SRRM2: variants seen among roughly 807,000 people sequenced by gnomAD.
SRRM2 encodes the protein serine/arginine repetitive matrix 2.
SRRM2 carries 30 observed loss-of-function variants against 213.8 expected under a neutral mutation model. That is an observed-to-expected ratio of 0.14 (90% CI 0.10 to 0.19). The LOEUF (loss-of-function observed/expected upper bound fraction) is 0.19, where lower values mean the gene tolerates loss of function less well. SRRM2 is among the 10% of genes least tolerant of loss of function. The pLI is 1.00. For missense variants in SRRM2, 4,904 were observed against 3,647.0 expected (o/e 1.34, Z -8.88); for synonymous variants, 2,025 against 1,377.7 (o/e 1.47, Z -10.40).
At position 2,768,266 on chromosome 16, in the gene SRRM2, G is replaced by A. The variant is rs1455735328; in HGVS notation, c.7733+5G>A. ...ACCTGAGGTGGCACTGAAGAGGTGAGGGAGCTTGACTTTTAGAAATCTTCA... is the reference window on the plus strand; with the variant it reads ...ACCTGAGGTGGCACTGAAGAGGTGAAGGAGCTTGACTTTTAGAAATCTTCA... On this transcript the variant is annotated splice_donor_5th_base_variant and intron_variant, in intron 11 of 14. Transcript: ENST00000301740. 1 of 1,534,876 alleles carries A rather than the reference G, an allele frequency of 6.5e-7. No homozygotes were observed. The highest frequency in any genetic ancestry group is 1.4e-5 in the African/African-American group (1 of 72,222).
In SRRM2 at chr16:2,753,297, C is replaced by T. The variant is rs188242066; in HGVS notation, c.-32+451C>T. 897 of 152,390 alleles carry T rather than the reference C, an allele frequency of 5.9e-3. 10 individuals are homozygous for T. The highest frequency in any genetic ancestry group is 9.8e-3 in the Non-Finnish European group (666 of 68,078). The allele number at this position is 152,390 out of a possible 1,614,324, so 9.4% of individuals were successfully genotyped here. On this transcript the variant is annotated intron_variant, in intron 1 of 14. Coordinates refer to ENST00000301740, the MANE Select transcript of SRRM2 (RefSeq NM_016333.4). ...GGGCTTCTCTTCGGCGTTGGGCTGC[C>T]CGTGTCGGGGGCCTCCCAGACTGCG...
chr16:2,765,420 C>G lies in SRRM2; in HGVS notation c.4892C>G (p.Ala1631Gly). ...GAACCTAAAGCTCCAGCCCCTCGGGCCCTTCCCAGACGAAGCAGATCAGGT... is the reference window on the plus strand; with the variant it reads ...GAACCTAAAGCTCCAGCCCCTCGGGGCCTTCCCAGACGAAGCAGATCAGGT... ...SPEPKAPAPRALPRRSRSGSS... is the reference protein window; with the variant it reads ...SPEPKAPAPRGLPRRSRSGSS... The change falls in exon 11 of 15, where the codon GCC becomes GGC. Residue 1631 changes from alanine (A) to glycine (G), a missense_variant. Transcript: ENST00000301740. 1.2e-6 allele frequency: 2 copies of G among 1,614,170 alleles called. No individual in the cohort carries two copies. Among genetic ancestry groups the G allele is most frequent in the Non-Finnish European group, 1.7e-6 (2 of 1,180,030 alleles).
chr16:2,770,297 C>T, intron 12 of SRRM2, 55 bp from the exon 13 acceptor site: 3 of 1,511,252 alleles, frequency 2.0e-6, no homozygotes, highest in Non-Finnish European at 2.7e-6. Context: ...GTCCTGAGTG[C>T]TGGCCCGTGT....
chr16:2,757,607 T>A (rs767718492), intron 3 of SRRM2, 28 bp downstream of exon 3: 2 of 1,601,322 alleles, frequency 1.2e-6, no homozygotes, highest in African/African-American at 1.3e-5. Flanking sequence ...CCTCGATGAC[T>A]CTGGACTCTA....
chr16:2,765,431 C>T lies in SRRM2; in HGVS notation c.4903C>T (p.Arg1635Ter). Residue 1635 changes from arginine to a stop codon, truncating the protein, a stop_gained, in exon 11 of 15, where the codon CGA (arginine) becomes TGA (stop). Coordinates refer to ENST00000301740, the MANE Select transcript of SRRM2 (RefSeq NM_016333.4). LOFTEE classifies it high-confidence loss of function. ...KAPAPRALPR[R>*]SRSGSSSKGR... is the part of the protein sequence containing the mutation. ...TCCAGCCCCTCGGGCCCTTCCCAGA[C>T]GAAGCAGATCAGGTTCATCAAGCAA... 6.2e-7 allele frequency: 1 copy of T among 1,614,148 alleles called. No homozygotes were observed. Among genetic ancestry groups the T allele is most frequent in the Non-Finnish European group, 8.5e-7 (1 of 1,180,032 alleles).
At position 2,765,854 on chromosome 16, in the gene SRRM2, C is replaced by T. The variant is rs750051689; in HGVS notation, c.5326C>T (p.Arg1776Cys). 1.7e-5 allele frequency: 28 copies of T among 1,613,954 alleles called. No individual in the cohort carries two copies. In the Admixed American group the frequency reaches 1.8e-4, roughly 11 times the overall value. ...KPRGLQRSRSRSRREKTRTTR... is the reference protein window; with the variant it reads ...KPRGLQRSRSCSRREKTRTTR... ...TCGTGGACTCCAGAGGTCCCGTTCC[C>T]GCTCAAGGAGAGAGAAAACAAGAAC... Residue 1776 changes from arginine to cysteine, a missense_variant, in exon 11 of 15, where the codon CGC (arginine) becomes TGC (cysteine). Arg to Cys is a radical substitution (Grantham distance 180, BLOSUM62 -3). Coordinates refer to ENST00000301740, the MANE Select transcript of SRRM2 (RefSeq NM_016333.4).
At chr16:2,770,283 G>A in intron 12 of SRRM2, 69 bp from the exon 13 acceptor site, 1 of 1,490,906 alleles carries the variant, frequency 6.7e-7, no homozygotes, top group Admixed American at 2.3e-5. Context: ...GACCTGGGCG[G>A]GTGGTCCTGA....
intron 9 of SRRM2, 101 bp downstream of exon 9, chr16:2,759,762 T>C (rs1476699067): frequency 7.4e-6 from 8 of 1,076,434 alleles, no homozygotes; most frequent in Non-Finnish European, 1.1e-5. Context: ...GCACAGACCA[T>C]TCGGAAGACA....
rs2068358951 is a variant in SRRM2, at chr16:2,761,771, T to G, written c.1243T>G (p.Ser415Ala). 1 of 1,613,284 alleles carries G rather than the reference T, an allele frequency of 6.2e-7. No individual in the cohort carries two copies. Among genetic ancestry groups the G allele is most frequent in the Non-Finnish European group, 8.5e-7 (1 of 1,179,734 alleles). ...TAAGTCTCCCGAGAAACTTCCCCAG[T>G]CTTCTTCCTCAGAGAGCAGCCCACC... Reference protein sequence around the residue: ...PPKSPEKLPQSSSSESSPPSP... With the variant: ...PPKSPEKLPQASSSESSPPSP... Residue 415 changes from serine to alanine, a missense_variant, in exon 11 of 15, where the codon TCT (serine) becomes GCT (alanine). Coordinates refer to ENST00000301740, the MANE Select transcript of SRRM2 (RefSeq NM_016333.4).
chr16:2,770,811 G>T (rs529671268), intron 14 of SRRM2, 47 bp from the exon 15 acceptor site: 1 of 1,613,536 alleles, frequency 6.2e-7, no homozygotes, highest in East Asian at 2.2e-5. Flanking sequence ...AACTGGCCTT[G>T]AGGGCTGGGG....
chr16:2,764,781 G>A lies in SRRM2; in HGVS notation c.4253G>A (p.Arg1418Lys). 1 of 1,614,176 alleles carries A rather than the reference G, an allele frequency of 6.2e-7. No homozygotes were observed. The highest frequency in any genetic ancestry group is 1.3e-5 in the African/African-American group (1 of 75,020). ...GTACCCAGAACACCCTCGAGAGAAAGAAGTAGTTCTGCATCTTCTCCTGAA... is the reference window on the plus strand; with the variant it reads ...GTACCCAGAACACCCTCGAGAGAAAAAAGTAGTTCTGCATCTTCTCCTGAA... ...DAVPRTPSRE[R>K]SSSASSPEMK... is the part of the protein sequence containing the mutation. Residue 1418 changes from arginine (R) to lysine (K), a missense_variant, in exon 11 of 15, where the codon AGA becomes AAA. Transcript: ENST00000301740.
Position 2,763,660 on chromosome 16 carries a change from A to T in SRRM2, c.3132A>T (p.Pro1044=), listed in dbSNP as rs771309523. 9 of 1,614,042 alleles carry T rather than the reference A, an allele frequency of 5.6e-6. No individual in the cohort carries two copies. In the South Asian group the frequency reaches 8.8e-5, roughly 16 times the overall value. The change falls in exon 11 of 15, where the codon CCA becomes CCT. Residue 1044 remains proline, a synonymous_variant. Transcript: ENST00000301740. ...GTGCAGGAGTAAAATCTAGCACACC[A>T]CCAGGCGAGAGCTATTTTGGTGTCT... is the stretch of plus-strand genomic sequence containing the variant. The part of the protein sequence containing the change: ...SLCAGVKSST[P]PGESYFGVSS...
At chr16:2,758,591 C>T in intron 5 of SRRM2, 44 bp downstream of exon 5, 1 of 1,553,556 alleles carries the variant, frequency 6.4e-7, no homozygotes, top group Non-Finnish European at 8.9e-7. Flanking sequence ...AGGACCAATC[C>T]TGTGGTGTAC....
In SRRM2 at chr16:2,764,284, C is replaced by A; in HGVS notation, c.3756C>A (p.Ile1252=). The change falls in exon 11 of 15, where the codon ATC becomes ATA. Residue 1252 remains isoleucine, a synonymous_variant. Coordinates refer to ENST00000301740, the MANE Select transcript of SRRM2 (RefSeq NM_016333.4). ...AGTCTGAAGAACCCGCAGGCCAAAT[C>A]CTGTCTCATTTGTCTTCAGAACTTA... ...VEKSEEPAGQ[I]LSHLSSELKE... The A allele has an allele frequency of 1.9e-6, 3 of 1,614,076 alleles. No homozygotes were observed. Among genetic ancestry groups the A allele is most frequent in the Non-Finnish European group, 2.5e-6 (3 of 1,180,012 alleles).
At position 2,768,038 on chromosome 16, in the gene SRRM2, T is replaced by G; in HGVS notation, c.7510T>G (p.Ser2504Ala). Residue 2504 changes from serine (S) to alanine (A), a missense_variant, in exon 11 of 15, where the codon TCT becomes GCT. Ser to Ala is a moderately conservative substitution (Grantham distance 99). Transcript: ENST00000301740. ...TGTCCCTGCCCCTGGGGTGCCCCAC[T>G]CTGATGTGGGGGAGCCACCTGCCTC... ...LSVPAPGVPH[S>A]DVGEPPASTG... 1 of 1,614,144 alleles carries G rather than the reference T, an allele frequency of 6.2e-7. No homozygotes were observed. Among genetic ancestry groups the G allele is most frequent in the Non-Finnish European group, 8.5e-7 (1 of 1,180,000 alleles).
At position 2,762,582 on chromosome 16, in the gene SRRM2, C is replaced by A; in HGVS notation, c.2054C>A (p.Thr685Lys). 1 of 1,614,100 alleles carries A rather than the reference C, an allele frequency of 6.2e-7. No homozygotes were observed. ...CGCAGTGGTCGCTCACGCTCCAGAACACCAGCCAGGAGAGGGAGGTCTCGG... is the reference window on the plus strand; with the variant it reads ...CGCAGTGGTCGCTCACGCTCCAGAAAACCAGCCAGGAGAGGGAGGTCTCGG... ...ARRSGRSRSR[T>K]PARRGRSRSR... Residue 685 changes from threonine (T) to lysine (K), a missense_variant, in exon 11 of 15, where the codon ACA becomes AAA. Coordinates refer to ENST00000301740, the MANE Select transcript of SRRM2 (RefSeq NM_016333.4).
intron 10 of SRRM2, among the ~76,000 whole-genome samples, chr16:2,761,334 T>A (rs1425417740): frequency 6.6e-6 from 1 of 152,260 alleles, no homozygotes; most frequent in Non-Finnish European, 1.5e-5. Flanking sequence ...GCATTAGTTA[T>A]TTGCATTTTG....
Position 2,766,663 on chromosome 16 carries a change from C to A in SRRM2, c.6135C>A (p.Arg2045=). The A allele has an allele frequency of 6.2e-7, 1 of 1,613,124 alleles. No homozygotes were observed. Among genetic ancestry groups the A allele is most frequent in the Non-Finnish European group, 8.5e-7 (1 of 1,179,706 alleles). The change falls in exon 11 of 15, where the codon CGC becomes CGA. Residue 2045 remains arginine (R), a synonymous_variant. Transcript: ENST00000301740. This position sits in a 1 kb window ranked among gnomAD's most constrained non-coding sequence, Gnocchi z 7.0. ...PLLPRKRSRS[R]SPLAIRRRSR... is the part of the protein sequence containing the mutation. ...TACCACGCAAACGTTCTCGAAGTCG[C>A]TCACCACTTGCTATCCGCCGCCGCT...
Position 2,764,658 on chromosome 16 carries a change from G to C in SRRM2, c.4130G>C (p.Arg1377Thr). 2 of 1,614,124 alleles carry C rather than the reference G, an allele frequency of 1.2e-6. No homozygotes were observed. The highest frequency in any genetic ancestry group is 1.7e-6 in the Non-Finnish European group (2 of 1,180,040). ...CTAGACATGAAAGAACAATCGACAA[G>C]ATCCTCTGGACACAGCAGTTCTGAG... The part of the protein sequence containing the change: ...PSLDMKEQST[R>T]SSGHSSSELS... The change falls in exon 11 of 15, where the codon AGA becomes ACA. Residue 1377 changes from arginine to threonine, a missense_variant. Transcript: ENST00000301740.
Sources: allele counts gnomAD v4.1 joint callset (sites outside exome capture counted in the v4.1 genomes callset), GRCh38; gene constraint gnomAD v4.1.1; non-coding constraint Gnocchi (gnomAD v3.1); transcripts MANE v1.5; gene names NCBI Gene and HGNC (gene_info 2026-07-23, HGNC 2026-07-21).